KCNK2: variants seen among roughly 807,000 people sequenced by gnomAD.
KCNK2 encodes the protein potassium two pore domain channel subfamily K member 2.
Under a neutral mutation model 40.5 loss-of-function variants are expected in KCNK2, and 21 were observed. That is an observed-to-expected ratio of 0.52 (90% CI 0.37 to 0.75). KCNK2 has a LOEUF of 0.75. KCNK2 is among the 30% of genes least tolerant of loss of function. The pLI is 0.00. For synonymous variants in KCNK2, 191 were observed against 202.2 expected, an observed-to-expected ratio of 0.94 and a Z score of 0.47; for missense variants, 399 against 531.6, an observed-to-expected ratio of 0.75 and a Z score of 2.45.
chr1:215,029,406 G>T (rs1657107767), intron 1 of KCNK2, among the ~76,000 whole-genome samples: 3 of 149,746 alleles, frequency 2.0e-5, no homozygotes, highest in African/African-American at 7.3e-5. Flanking sequence ...TTTTCACTTA[G>T]TGGTATTAAT....
chr1:215,166,399 G>T (rs1350756999), intron 3 of KCNK2, among the ~76,000 whole-genome samples: 1 of 152,016 alleles, frequency 6.6e-6, no homozygotes, highest in Non-Finnish European at 1.5e-5. Context: ...AGCAGAAATG[G>T]GTCCAAGGGC....
intron 1 of KCNK2, among the ~76,000 whole-genome samples, chr1:215,037,718 T>A (rs1188860089): frequency 6.6e-6 from 1 of 151,954 alleles, no homozygotes; most frequent in African/African-American, 2.4e-5. Context: ...ATAATGAATA[T>A]TAAGATAGTA....
intron 1 of KCNK2, among the ~76,000 whole-genome samples, chr1:215,014,163 T>G (rs1656502968): frequency 6.6e-6 from 1 of 152,160 alleles, no homozygotes; most frequent in Admixed American, 6.5e-5. Context: ...TCATTTAATA[T>G]GATCATGTGA....
At chr1:215,153,581 T>TATA (rs199807528) in intron 3 of KCNK2, among the ~76,000 whole-genome samples, 9 of 127,204 alleles carry the variant, frequency 7.1e-5, no homozygotes, top group Non-Finnish European at 1.3e-4. Flanking sequence ...TATATATATA[T>TATA]TTTTTTTTCT....
At chr1:215,138,007 C>T (rs1435400656) in intron 3 of KCNK2, among the ~76,000 whole-genome samples, 2 of 152,062 alleles carry the variant, frequency 1.3e-5, no homozygotes, top group Non-Finnish European at 1.5e-5. Flanking sequence ...GAACCATTGG[C>T]TTGTATAATT....
At chr1:215,226,606 T>C (rs531819850) in intron 6 of KCNK2, among the ~76,000 whole-genome samples, 17 of 152,296 alleles carry the variant, frequency 1.1e-4, no homozygotes, top group Non-Finnish European at 2.4e-4. Flanking sequence ...ATTACAGGCA[T>C]GAGCCACCGC....
chr1:215,014,233 C>T (rs908592767), intron 1 of KCNK2, among the ~76,000 whole-genome samples: 4 of 151,992 alleles, frequency 2.6e-5, no homozygotes, highest in Non-Finnish European at 4.4e-5. Context: ...GAATGTTGAG[C>T]CAGCCTTCCA....
At chr1:215,060,846 A>G (rs765851073) in intron 1 of KCNK2, among the ~76,000 whole-genome samples, 4 of 152,208 alleles carry the variant, frequency 2.6e-5, no homozygotes, top group Admixed American at 6.5e-5. Context: ...ATTTAGGAAC[A>G]CAATGAACTA....
intron 6 of KCNK2, among the ~76,000 whole-genome samples, chr1:215,217,302 AGAAACT>A (rs913883084): frequency 6.6e-6 from 1 of 152,212 alleles, no homozygotes; most frequent in Non-Finnish European, 1.5e-5. Context: ...CCTTTGAAAA[AGAAACT>A]GGAAAAATCA....
intron 1 of KCNK2, among the ~76,000 whole-genome samples, chr1:215,034,741 G>T (rs975963764): frequency 6.6e-6 from 1 of 152,028 alleles, no homozygotes; most frequent in African/African-American, 2.4e-5. Flanking sequence ...TCTCTGTTCT[G>T]TTTCATTGAT....
chr1:215,095,597 C>T (rs575581827), intron 2 of KCNK2, among the ~76,000 whole-genome samples: 73 of 152,158 alleles, frequency 4.8e-4, no homozygotes, highest in African/African-American at 1.5e-3. Flanking sequence ...GTGACTCTAA[C>T]GCTTCTTTCC....
At chr1:215,065,321 C>T (rs1464878501) in intron 1 of KCNK2, among the ~76,000 whole-genome samples, 1 of 151,876 alleles carries the variant, frequency 6.6e-6, no homozygotes, top group Non-Finnish European at 1.5e-5. Flanking sequence ...CACCTGTGAA[C>T]CAGAAGTTAC....
At chr1:215,081,948 C>T (rs554188432), upstream of KCNK2, 9 of 152,370 alleles carry the variant, frequency 5.9e-5, no homozygotes, top group African/African-American at 2.2e-4. Context: ...TGGTACCTGC[C>T]AAATACGGAT....
rs1660994020 is a variant in KCNK2 at position 215,117,411 on chromosome 1, T to C, written c.358-7222T>C. On this transcript the variant is annotated intron_variant, in intron 2 of 6. Transcript: ENST00000444842. ...CCTTTGATAAGTATGTATCCTTCACTGTAGAACTGTAATGAGAGCCTAATC... is the reference window on the plus strand; with the variant it reads ...CCTTTGATAAGTATGTATCCTTCACCGTAGAACTGTAATGAGAGCCTAATC... Among the ~76,000 whole-genome samples, 7 of 152,256 alleles carry C rather than the reference T, an allele frequency of 4.6e-5. No homozygotes were observed. The South Asian group carries it at 1.4e-3, about 32-fold the overall frequency.
At chr1:215,161,294 T>G (rs772095511) in intron 3 of KCNK2, among the ~76,000 whole-genome samples, 5 of 152,204 alleles carry the variant, frequency 3.3e-5, no homozygotes, top group African/African-American at 7.2e-5. Flanking sequence ...TCAGAGATGC[T>G]GGATTACGTT....
At chr1:215,013,907 C>A (rs2841612) in intron 1 of KCNK2, among the ~76,000 whole-genome samples, 82,492 of 151,830 alleles carry the variant, frequency 0.54, 23,559 homozygotes, top group South Asian at 0.78. Flanking sequence ...CCTTTTATTT[C>A]GTTTACTTAC....
At chr1:215,076,339 A>G (rs914143662) in intron 1 of KCNK2, among the ~76,000 whole-genome samples, 3 of 152,180 alleles carry the variant, frequency 2.0e-5, no homozygotes, top group African/African-American at 7.2e-5. Context: ...ATGATTTCAC[A>G]GTTTTTGAGG....
chr1:215,100,133 G>A (rs866846199), intron 2 of KCNK2, among the ~76,000 whole-genome samples: 1 of 151,828 alleles, frequency 6.6e-6, no homozygotes, highest in South Asian at 2.1e-4. Context: ...GAGGGCAGAG[G>A]TACCTCATTT....
At chr1:215,032,081 T>C (rs2102486328) in intron 1 of KCNK2, among the ~76,000 whole-genome samples, 1 of 152,076 alleles carries the variant, frequency 6.6e-6, no homozygotes, top group Non-Finnish European at 1.5e-5. Flanking sequence ...GAGCAAACTG[T>C]TATCTGTTAC....
Sources: gnomAD v4.1 joint callset for allele counts (sites outside exome capture counted in the v4.1 genomes callset) on GRCh38, gnomAD v4.1.1 for gene constraint, MANE v1.5 for transcripts, NCBI Gene and HGNC (gene_info 2026-07-23, HGNC 2026-07-21) for gene names.